The following ARSG variants were observed in gnomAD, a reference collection of about 807,000 sequenced individuals.
ARSG encodes ASG.
ARSG carries 37 observed loss-of-function variants against 50.5 expected under a neutral mutation model. That is an observed-to-expected ratio of 0.73 (90% CI 0.56 to 0.96). The LOEUF is 0.96. Ranked by LOEUF, ARSG falls within the 50% of genes least tolerant of loss-of-function variation. The pLI, the probability that ARSG is intolerant of heterozygous loss-of-function variation, is 0.00. For synonymous variants in ARSG, 225 were observed against 254.6 expected (o/e 0.88, Z 1.11); for missense variants, 629 against 675.3 (o/e 0.93, Z 0.76).
At chr17:68,427,778 T>C in the ARSG span, among the ~76,000 whole-genome samples, 2 of 152,272 alleles carry the variant, frequency 1.3e-5, no homozygotes, top group South Asian at 2.1e-4. Context: ...GGTGAGGACA[T>C]GCTAGCAAGG....
intron 2 of ARSG, among the ~76,000 whole-genome samples, chr17:68,340,266 A>G (rs1476079424): frequency 1.3e-5 from 2 of 152,020 alleles, no homozygotes; most frequent in African/African-American, 4.8e-5. Context: ...ATGGCTTACA[A>G]TCAAATACAC....
At chr17:68,392,338 G>A (rs1015531277) in intron 9 of ARSG, among the ~76,000 whole-genome samples, 2 of 152,152 alleles carry the variant, frequency 1.3e-5, no homozygotes, top group African/African-American at 4.8e-5. Flanking sequence ...GCCATAGGTA[G>A]AGTAACCTTG....
chr17:68,428,854 C>T, the ARSG span: 1 of 1,613,942 alleles, frequency 6.2e-7, no homozygotes, highest in Non-Finnish European at 8.5e-7. Flanking sequence ...AAGACACACT[C>T]TCCTCCATCC....
chr17:68,333,631 A>AAATAAT (rs150655015), intron 2 of ARSG, among the ~76,000 whole-genome samples: 4,129 of 142,644 alleles, frequency 0.029, 112 homozygotes, highest in African/African-American at 0.072. Flanking sequence ...TCTGTCTCAA[A>AAATAAT]AATAATAATA....
At position 68,420,591 on chromosome 17, in the gene ARSG, C is replaced by T; in HGVS notation, c.*128C>T. 1 of 1,097,504 alleles carries T rather than the reference C, an allele frequency of 9.1e-7. No individual in the cohort carries two copies. Among genetic ancestry groups the T allele is most frequent in the Non-Finnish European group, 1.3e-6 (1 of 754,964 alleles). 68.0% of individuals were successfully genotyped at this position (1,097,504 alleles called of 1,614,324 possible). ...CTTGGAGTTTAGTTTTGGAGTTAGC[C>T]TTGCATATCCCTTCTGTATCCTGTC... On this transcript the variant is annotated 3_prime_UTR_variant, in exon 12 of 12. Transcript: ENST00000621439.
intron 6 of ARSG, among the ~76,000 whole-genome samples, chr17:68,361,198 G>T (rs924822637): frequency 2.0e-5 from 3 of 152,066 alleles, no homozygotes; most frequent in South Asian, 2.1e-4. Flanking sequence ...AACCCTTAAT[G>T]GGGTGGTATT....
At position 68,395,346 on chromosome 17, in the gene ARSG, A is replaced by G. The variant is rs113076638; in HGVS notation, c.1212+153A>G. On this transcript the variant is annotated intron_variant, in intron 10 of 11. Coordinates refer to ENST00000621439, the MANE Select transcript of ARSG (RefSeq NM_001267727.2). ...CTCACGCCTGTAATCCCAGCACTTT[A>G]GGAGACCAAGGCGGGCTGATCACTT... is the stretch of plus-strand genomic sequence containing the variant. Among the ~76,000 whole-genome samples, 276 of 152,304 alleles carry G rather than the reference A, an allele frequency of 1.8e-3. 2 individuals carry two copies. The highest frequency in any genetic ancestry group is 6.3e-3 in the African/African-American group (264 of 41,582).
intron 2 of ARSG, among the ~76,000 whole-genome samples, chr17:68,312,595 G>A (rs1481976058): frequency 6.6e-6 from 1 of 152,110 alleles, no homozygotes; most frequent in African/African-American, 2.4e-5. Flanking sequence ...GCCAAATGTG[G>A]TTCGTTGGGC....
At chr17:68,266,916 C>A (rs1456198277) in intron 1 of ARSG, 3 of 152,050 alleles carry the variant, frequency 2.0e-5, no homozygotes, top group African/African-American at 4.8e-5. Flanking sequence ...AGAAGATAAA[C>A]GTTAAAAAAT....
chr17:68,349,322 C>T (rs753641194), intron 4 of ARSG, among the ~76,000 whole-genome samples: 5 of 151,990 alleles, frequency 3.3e-5, no homozygotes, highest in Non-Finnish European at 7.4e-5. Context: ...AAGAAAACAG[C>T]CAATATGTAC....
At chr17:68,417,817 G>A (rs188290862) in intron 11 of ARSG, among the ~76,000 whole-genome samples, 2 of 122,008 alleles carry the variant, frequency 1.6e-5, no homozygotes, top group East Asian at 5.3e-4. Flanking sequence ...GCACGATCTC[G>A]GCTCCCAGGT....
upstream of ARSG, among the ~76,000 whole-genome samples, chr17:68,288,918 C>T (rs1599571868): frequency 6.6e-6 from 1 of 152,152 alleles, no homozygotes; most frequent in East Asian, 1.9e-4. Flanking sequence ...TTACAAAACT[C>T]GACAATTCTG....
At chr17:68,431,257 A>G in the ARSG span, among the ~76,000 whole-genome samples, 2 of 152,188 alleles carry the variant, frequency 1.3e-5, no homozygotes, top group African/African-American at 4.8e-5. Flanking sequence ...GGAGAGGCGG[A>G]TGAGGTTCCT....
Position 68,370,526 on chromosome 17 carries a change from T to G in ARSG, c.982+2T>G, listed in dbSNP as rs1351562877. On this transcript the variant is annotated splice_donor_variant, in intron 8 of 11. Transcript: ENST00000621439. LOFTEE classifies it high-confidence loss of function. ...CTGGATTTTGGCAAACTCGTCAAGG[T>G]AAGGGGCTCAGCTGGGGTTGGTGGA... The G allele has an allele frequency of 2.5e-6, 4 of 1,613,628 alleles. No individual in the cohort carries two copies. The highest frequency in any genetic ancestry group is 3.4e-6 in the Non-Finnish European group (4 of 1,179,796).
rs752385615 is a variant in ARSG, at chr17:68,329,563, C to T, written c.219-14041C>T. 1.4e-3 allele frequency among the ~76,000 whole-genome samples: 218 copies of T among 152,262 alleles called. 1 individual carries two copies. The highest frequency in any genetic ancestry group is 1.3e-3 in the Non-Finnish European group (90 of 68,008). ...CCCCAGGGGCTGAGATGAGCACAGT[C>T]TAAGAAAACTTTTGGTTCATTTGGG... On this transcript the variant is annotated intron_variant, in intron 2 of 11. Coordinates refer to ENST00000621439, the MANE Select transcript of ARSG (RefSeq NM_001267727.2).
the ARSG span, among the ~76,000 whole-genome samples, chr17:68,429,777 C>T: frequency 2.6e-5 from 4 of 152,068 alleles, no homozygotes; most frequent in African/African-American, 7.2e-5. Context: ...TTAGTAGAGA[C>T]GGGATTTCAC....
At position 68,271,752 on chromosome 17, in the gene ARSG, T is replaced by C; in HGVS notation, c.-552+12326T>C. ...AGAAGAAATATGGATCCAGATTTTG[T>C]TATAAGTTCTGTGGAAATTTATTAT... is the stretch of plus-strand genomic sequence containing the variant. On this transcript the variant is annotated intron_variant, in intron 1 of 11. Transcript: ENST00000448504. The surrounding 1 kb of genome is among the most constrained non-coding windows in gnomAD (Gnocchi z 5.3). 4.5e-6 allele frequency: 4 copies of C among 893,058 alleles called. No individual in the cohort carries two copies. The highest frequency in any genetic ancestry group is 2.8e-5 in the Admixed American group (1 of 35,422). 55.3% of individuals were successfully genotyped at this position (893,058 alleles called of 1,614,324 possible). A position where few individuals can be genotyped will look rare whatever the true frequency, so the allele number is the denominator to read the frequency against.
the ARSG span, among the ~76,000 whole-genome samples, chr17:68,448,994 A>C: frequency 1.3e-5 from 2 of 152,198 alleles, no homozygotes; most frequent in African/African-American, 2.4e-5. Context: ...AGGTGGACTT[A>C]AGTGGATTTT....
At chr17:68,406,852 G>C (rs2081746570) in intron 11 of ARSG, among the ~76,000 whole-genome samples, 1 of 152,154 alleles carries the variant, frequency 6.6e-6, no homozygotes, top group African/African-American at 2.4e-5. Flanking sequence ...TCCTTTTGCT[G>C]TGCAAAAGAT....
Sources: allele counts gnomAD v4.1 joint callset (sites outside exome capture counted in the v4.1 genomes callset), GRCh38; gene constraint gnomAD v4.1.1; non-coding constraint Gnocchi (gnomAD v3.1); transcripts MANE v1.5; gene names NCBI Gene and HGNC (gene_info 2026-07-23, HGNC 2026-07-21).